Variants in GPAT4 observed in about 807,000 individuals in gnomAD.
GPAT4 encodes the protein glycerol-3-phosphate acyltransferase 4, also known as 1-AGP acyltransferase 6.
GPAT4 carries 17 observed loss-of-function variants against 58.0 expected under a neutral mutation model. The observed-to-expected ratio is 0.29, with a 90% CI of 0.20 to 0.44. The LOEUF (loss-of-function observed/expected upper bound fraction) is 0.44, where lower values mean the gene tolerates loss of function less well. Among genes scored for constraint, GPAT4 ranks in the 20% least tolerant of loss-of-function variants. GPAT4 has a pLI of 1.00. For missense variants in GPAT4, 377 were observed against 574.5 expected (o/e 0.66, Z 3.51); for synonymous variants, 204 against 210.1 (o/e 0.97, Z 0.25).
At chr8:41,600,409 T>C (rs2150493382) in intron 2 of GPAT4, among the ~76,000 whole-genome samples, 1 of 152,308 alleles carries the variant, frequency 6.6e-6, no homozygotes, top group African/African-American at 2.4e-5. Context: ...AATTCTGTGG[T>C]AGATGGGGCA....
intron 1 of GPAT4, among the ~76,000 whole-genome samples, chr8:41,583,939 C>T (rs1802589289): frequency 6.6e-6 from 1 of 152,168 alleles, no homozygotes; most frequent in African/African-American, 2.4e-5. Context: ...CTCTGTTGCT[C>T]AGGCTGGAGT....
chr8:41,615,350 A>C (rs1488306362), intron 10 of GPAT4, among the ~76,000 whole-genome samples: 1 of 151,428 alleles, frequency 6.6e-6, no homozygotes, highest in Non-Finnish European at 1.5e-5. Context: ...TCATAAACCT[A>C]GCTGGAATGT....
intron 1 of GPAT4, among the ~76,000 whole-genome samples, chr8:41,593,775 CTT>C (rs1057330819): frequency 3.3e-5 from 5 of 152,194 alleles, no homozygotes; most frequent in East Asian, 1.9e-4. Context: ...TGCTAAAAGA[CTT>C]TTAGTTTAGT....
chr8:41,587,135 A>C (rs1802676629), intron 1 of GPAT4, among the ~76,000 whole-genome samples: 1 of 152,210 alleles, frequency 6.6e-6, no homozygotes, highest in East Asian at 1.9e-4. Context: ...ATTTACACAG[A>C]GTGCCATTTT....
chr8:41,582,303 C>T (rs997947490), intron 1 of GPAT4, among the ~76,000 whole-genome samples: 2 of 151,946 alleles, frequency 1.3e-5, no homozygotes, highest in Non-Finnish European at 1.5e-5. Flanking sequence ...TGCACGTGGC[C>T]GAAGCTGAAT....
chr8:41,610,898 C>A, intron 5 of GPAT4, 88 bp downstream of exon 5: 1 of 1,346,494 alleles, frequency 7.4e-7, no homozygotes, highest in Non-Finnish European at 1.0e-6. Flanking sequence ...CTTCTTTGGA[C>A]ACAACCAAAG....
intron 1 of GPAT4, among the ~76,000 whole-genome samples, chr8:41,598,061 G>C (rs886339447): frequency 2.6e-5 from 4 of 152,126 alleles, no homozygotes; most frequent in African/African-American, 9.7e-5. Context: ...TTTGACCACC[G>C]ATCATATCAT....
At chr8:41,590,299 C>G (rs1802756864) in intron 1 of GPAT4, among the ~76,000 whole-genome samples, 1 of 152,200 alleles carries the variant, frequency 6.6e-6, no homozygotes, top group African/African-American at 2.4e-5. Context: ...GTTGGCCCGG[C>G]TGGTCTCAAA....
intron 10 of GPAT4, among the ~76,000 whole-genome samples, chr8:41,615,295 C>T (rs1226448192): frequency 4.6e-5 from 7 of 152,196 alleles, no homozygotes; most frequent in Non-Finnish European, 7.3e-5. Context: ...ATGCTGCTGC[C>T]GCCACCATTC....
At chr8:41,612,424 A>C in intron 7 of GPAT4, 151 bp downstream of exon 7, 1 of 772,666 alleles carries the variant, frequency 1.3e-6, no homozygotes, top group Non-Finnish European at 2.1e-6. Context: ...TGGGACTGTG[A>C]TAGGAGATAC....
In GPAT4 at chr8:41,621,273, A is replaced by G. The variant is rs1273964836; in HGVS notation, c.*272A>G. ...TACAATAAGTCGTTGGAGGAATGCC[A>G]TTAAAGTGAACTCCCCACCTTTGCA... On this transcript the variant is annotated 3_prime_UTR_variant, in exon 13 of 13. Coordinates refer to ENST00000396987, the MANE Select transcript of GPAT4 (RefSeq NM_178819.4). 4 of 478,114 alleles carry G rather than the reference A, an allele frequency of 8.4e-6. No individual in the cohort carries two copies. Among genetic ancestry groups the G allele is most frequent in the South Asian group, 4.8e-5 (2 of 41,656 alleles). 29.6% of individuals were successfully genotyped at this position (478,114 alleles called of 1,614,324 possible). A position where few individuals can be genotyped will look rare whatever the true frequency, so the allele number is the denominator to read the frequency against.
intron 12 of GPAT4, among the ~76,000 whole-genome samples, chr8:41,620,180 C>T (rs990486816): frequency 1.6e-4 from 25 of 152,152 alleles, no homozygotes; most frequent in African/African-American, 5.8e-4. Context: ...AGACTGAAAG[C>T]GGGCTTGGAT....
chr8:41,600,883 C>T lies in GPAT4; in HGVS notation c.165+1579C>T, dbSNP rs1301148527. Among the ~76,000 whole-genome samples the T allele has an allele frequency of 1.1e-4, 17 of 152,094 alleles. 1 individual carries two copies. Among genetic ancestry groups the T allele is most frequent in the Admixed American group, 1.1e-3 (17 of 15,268 alleles). Reference sequence around the variant, plus strand: ...CCTTTTGTGTCTGGCTTCTTTCACTCAGCATAACATTTTCAAGGTTCATCA... The same window carrying T: ...CCTTTTGTGTCTGGCTTCTTTCACTTAGCATAACATTTTCAAGGTTCATCA... On this transcript the variant is annotated intron_variant, in intron 2 of 12. Coordinates refer to ENST00000396987, the MANE Select transcript of GPAT4 (RefSeq NM_178819.4).
At chr8:41,610,844 C>T (rs369289992) in intron 5 of GPAT4, 34 bp downstream of exon 5, 9 of 1,565,128 alleles carry the variant, frequency 5.8e-6, no homozygotes, top group South Asian at 3.6e-5. Context: ...GCCTGAAGGA[C>T]AGTTAGTTCT....
chr8:41,620,849 G>A lies in GPAT4; in HGVS notation c.1263-44G>A, dbSNP rs747944539. 7 of 1,549,102 alleles carry A rather than the reference G, an allele frequency of 4.5e-6. No individual in the cohort carries two copies. The African/African-American group carries it at 8.2e-5, about 18-fold the overall frequency. On this transcript the variant is annotated intron_variant, in intron 12 of 12. Coordinates refer to ENST00000396987, the MANE Select transcript of GPAT4 (RefSeq NM_178819.4). Reference sequence around the variant, plus strand: ...ATCTCCCATGGTGTGAGCGTGGCTGGGAGCCCTCTTGGCTGTTACTACATC... The same window carrying A: ...ATCTCCCATGGTGTGAGCGTGGCTGAGAGCCCTCTTGGCTGTTACTACATC...
chr8:41,612,266 A>T lies in GPAT4; in HGVS notation c.788A>T (p.Tyr263Phe). The T allele has an allele frequency of 3.1e-6, 5 of 1,614,222 alleles. No individual in the cohort carries two copies. Among genetic ancestry groups the T allele is most frequent in the Non-Finnish European group, 4.2e-6 (5 of 1,180,014 alleles). ...ATCATCTTGGCCAGCGATGGCTATT[A>T]TGCCATGGTAAGAGCTCTTTCCGGT... ...DVIILASDGY[Y>F]AMVGQVHGGL... Residue 263 changes from tyrosine (Y) to phenylalanine (F), a missense_variant, in exon 7 of 13, where the codon TAT becomes TTT. Coordinates refer to ENST00000396987, the MANE Select transcript of GPAT4 (RefSeq NM_178819.4).
intron 1 of GPAT4, among the ~76,000 whole-genome samples, chr8:41,580,069 A>G (rs1802472408): frequency 6.6e-6 from 1 of 152,208 alleles, no homozygotes; most frequent in Non-Finnish European, 1.5e-5. Context: ...AAGGCTGTGG[A>G]TGAAGACGCT....
At position 41,612,271 on chromosome 8, in the gene GPAT4, A is replaced by G; in HGVS notation, c.793A>G (p.Met265Val). The part of the protein sequence containing the change: ...IILASDGYYA[M>V]VGQVHGGLMG... The stretch of plus-strand genomic sequence containing the variant: ...CTTGGCCAGCGATGGCTATTATGCC[A>G]TGGTAAGAGCTCTTTCCGGTGCGTT... Residue 265 changes from methionine (M) to valine (V), a missense_variant and splice_region_variant, in exon 7 of 13, where the codon ATG becomes GTG. Met to Val is a conservative substitution (Grantham distance 21). Transcript: ENST00000396987. The G allele has an allele frequency of 6.2e-7, 1 of 1,614,202 alleles. No individual in the cohort carries two copies. The highest frequency in any genetic ancestry group is 8.5e-7 in the Non-Finnish European group (1 of 1,180,014).
intron 1 of GPAT4, among the ~76,000 whole-genome samples, 158 bp from the exon 2 acceptor site, chr8:41,598,134 G>A (rs948604468): frequency 2.6e-5 from 4 of 152,132 alleles, no homozygotes; most frequent in African/African-American, 7.2e-5. Context: ...CACCTGTTGG[G>A]TCTGCCTGGT....
Sources: allele counts gnomAD v4.1 joint callset (sites outside exome capture counted in the v4.1 genomes callset), GRCh38; gene constraint gnomAD v4.1.1; transcripts MANE v1.5; gene names NCBI Gene and HGNC (gene_info 2026-07-23, HGNC 2026-07-21).